SCGN: variants seen among roughly 807,000 people sequenced by gnomAD.
The protein encoded by SCGN is secretagogin.
Under a neutral mutation model 39.7 loss-of-function variants are expected in SCGN, and 30 were observed. That is an observed-to-expected ratio of 0.76 (90% CI 0.57 to 1.03). The LOEUF is 1.03. SCGN is among the 50% of genes least tolerant of loss of function. The probability of loss-of-function intolerance (pLI) is 0.00; values close to 1 mark genes in which losing one functional copy is unlikely to be tolerated. For synonymous variants in SCGN, 106 were observed against 114.1 expected (o/e 0.93, Z 0.45); for missense variants, 353 against 349.4 (o/e 1.01, Z -0.08).
intron 7 of SCGN, among the ~76,000 whole-genome samples, chr6:25,688,840 C>T (rs547664366): frequency 1.3e-5 from 2 of 148,768 alleles, no homozygotes; most frequent in South Asian, 2.2e-4. Context: ...TAAACACTCC[C>T]CAGATTGCTG....
intron 2 of SCGN, among the ~76,000 whole-genome samples, chr6:25,657,738 A>G (rs990244350): frequency 5.3e-5 from 8 of 149,808 alleles, no homozygotes; most frequent in Non-Finnish European, 8.9e-5. Context: ...CCAGTTTATG[A>G]GAGCAAGTTT....
chr6:25,652,769 A>G (rs1010912667), intron 1 of SCGN, among the ~76,000 whole-genome samples: 5 of 152,144 alleles, frequency 3.3e-5, no homozygotes, highest in Non-Finnish European at 7.3e-5. Flanking sequence ...TATATTGTAT[A>G]TACAATGACT....
chr6:25,693,049 A>G (rs941679701), intron 10 of SCGN, among the ~76,000 whole-genome samples: 2 of 152,218 alleles, frequency 1.3e-5, no homozygotes, highest in Non-Finnish European at 2.9e-5. Context: ...ATATGGGCAC[A>G]ACAATATTTA....
chr6:25,697,811 T>G (rs2151384275), intron 10 of SCGN, among the ~76,000 whole-genome samples: 1 of 152,314 alleles, frequency 6.6e-6, no homozygotes, highest in East Asian at 1.9e-4. Context: ...AAGTTACATT[T>G]TTACATGAAA....
chr6:25,687,747 C>G (rs1343180605), intron 7 of SCGN, among the ~76,000 whole-genome samples: 1 of 152,182 alleles, frequency 6.6e-6, no homozygotes, highest in East Asian at 1.9e-4. Flanking sequence ...TTCTCTTTGT[C>G]TTAAGCTTTT....
At position 25,701,386 on chromosome 6, in the gene SCGN, G is replaced by A. The variant is rs2151385063; in HGVS notation, c.*51G>A. The A allele has an allele frequency of 3.8e-6, 6 of 1,586,886 alleles. No homozygotes were observed. Among genetic ancestry groups the A allele is most frequent in the Non-Finnish European group, 5.1e-6 (6 of 1,166,706 alleles). ...TTACTATGTTTCTGTGATCTTGCTG[G>A]TAGAATTGTATCTGTGCATTGATGT... On this transcript the variant is annotated 3_prime_UTR_variant, in exon 11 of 11. Coordinates refer to ENST00000377961, the MANE Select transcript of SCGN (RefSeq NM_006998.4).
At chr6:25,672,650 G>T (rs372890367) in intron 6 of SCGN, among the ~76,000 whole-genome samples, 3 of 152,188 alleles carry the variant, frequency 2.0e-5, no homozygotes, top group South Asian at 4.1e-4. Context: ...GACCATCACA[G>T]GATTTTTAGG....
chr6:25,665,091 G>GTA, intron 4 of SCGN, 59 bp downstream of exon 4: 1 of 1,341,554 alleles, frequency 7.5e-7, no homozygotes, highest in African/African-American at 1.4e-5. Flanking sequence ...TACGATCTTA[G>GTA]CCACCTGCTG....
At position 25,701,242 on chromosome 6, in the gene SCGN, C is replaced by T. The variant is rs1475330156; in HGVS notation, c.738C>T (p.Arg246=). The change falls in exon 11 of 11, where the codon CGC becomes CGT. Residue 246 remains arginine (R), a synonymous_variant. Coordinates refer to ENST00000377961, the MANE Select transcript of SCGN (RefSeq NM_006998.4). The part of the protein sequence containing the change: ...SISGVDLDKF[R]EILLRHCDVN... ...GCGGGGTGGACCTTGATAAGTTCCG[C>T]GAGATTCTCCTGCGTCACTGCGACG... is the stretch of plus-strand genomic sequence containing the variant. The T allele has an allele frequency of 3.7e-6, 6 of 1,613,160 alleles. No homozygotes were observed. Among genetic ancestry groups the T allele is most frequent in the African/African-American group, 2.7e-5 (2 of 74,986 alleles).
chr6:25,663,301 G>T (rs974293715), intron 3 of SCGN, among the ~76,000 whole-genome samples: 2 of 152,150 alleles, frequency 1.3e-5, no homozygotes, highest in African/African-American at 2.4e-5. Context: ...TGGGAAAAAG[G>T]CCACCCTTAG....
chr6:25,689,618 C>A, intron 9 of SCGN, 86 bp downstream of exon 9: 1 of 1,102,166 alleles, frequency 9.1e-7, no homozygotes, highest in Non-Finnish European at 1.4e-6. Context: ...ACCCAACAGA[C>A]CCTAAACTTA....
intron 2 of SCGN, among the ~76,000 whole-genome samples, chr6:25,660,910 T>A (rs1368720135): frequency 1.3e-5 from 2 of 152,234 alleles, no homozygotes; most frequent in African/African-American, 4.8e-5. Context: ...TTCTCAACCC[T>A]TGCATCAGAA....
At chr6:25,685,165 A>T (rs1759687761) in intron 7 of SCGN, among the ~76,000 whole-genome samples, 1 of 152,194 alleles carries the variant, frequency 6.6e-6, no homozygotes, top group African/African-American at 2.4e-5. Context: ...CCGTGTCGAC[A>T]GCTTGAATTT....
At chr6:25,673,345 G>C (rs1460460742) in intron 6 of SCGN, among the ~76,000 whole-genome samples, 2 of 152,172 alleles carry the variant, frequency 1.3e-5, no homozygotes, top group African/African-American at 4.8e-5. Flanking sequence ...AATCAGAAAG[G>C]GTGCAGTATG....
intron 7 of SCGN, among the ~76,000 whole-genome samples, chr6:25,688,670 C>T (rs1203039629): frequency 6.6e-6 from 1 of 151,950 alleles, no homozygotes; most frequent in Non-Finnish European, 1.5e-5. Flanking sequence ...GGACTGGTGG[C>T]GGGCGCCTGT....
At chr6:25,652,653 T>C (rs1760154678) in intron 1 of SCGN, among the ~76,000 whole-genome samples, 168 bp downstream of exon 1, 1 of 152,226 alleles carries the variant, frequency 6.6e-6, no homozygotes, top group African/African-American at 2.4e-5. Context: ...ATACTGGTGA[T>C]ACACATCTAT....
In SCGN at chr6:25,665,712, C is replaced by T. The variant is rs377757775; in HGVS notation, c.336+680C>T. On this transcript the variant is annotated intron_variant, in intron 4 of 10. Coordinates refer to ENST00000377961, the MANE Select transcript of SCGN (RefSeq NM_006998.4). ...CAGCCACTGTATCCGGGACCCCACA[C>T]TGGAAATAGTTACCATGTCCCCATT... Among the ~76,000 whole-genome samples, 3 of 152,332 alleles carry T rather than the reference C, an allele frequency of 2.0e-5. No homozygotes were observed. The East Asian group carries it at 5.8e-4, about 29-fold the overall frequency.
At chr6:25,678,520 G>A (rs1211226859) in intron 6 of SCGN, among the ~76,000 whole-genome samples, 1 of 152,116 alleles carries the variant, frequency 6.6e-6, no homozygotes, top group East Asian at 1.9e-4. Context: ...CAATTTATCT[G>A]CAGCCTGTCT....
intron 1 of SCGN, 96 bp from the exon 2 acceptor site, chr6:25,653,286 G>A (rs750293399): frequency 1.3e-4 from 108 of 856,434 alleles, no homozygotes; most frequent in Non-Finnish European, 1.3e-4. Flanking sequence ...GTTGAGGGAA[G>A]CTTTATGAAT....
Sources: gnomAD v4.1 joint callset for allele counts (sites outside exome capture counted in the v4.1 genomes callset) on GRCh38, gnomAD v4.1.1 for gene constraint, MANE v1.5 for transcripts, NCBI Gene and HGNC (gene_info 2026-07-23, HGNC 2026-07-21) for gene names.